The following PTBP3 variants were observed in gnomAD, a reference collection of about 807,000 sequenced individuals.
PTBP3 encodes polypyrimidine tract binding protein 3, also known as polypyrimidine tract-binding protein 3.
Under a neutral mutation model 58.7 loss-of-function variants are expected in PTBP3, and 20 were observed. The observed-to-expected ratio is 0.34, with a 90% CI of 0.24 to 0.50. The LOEUF is 0.50. Ranked by LOEUF, PTBP3 falls within the 20% of genes least tolerant of loss-of-function variation. PTBP3 has a pLI of 0.98. For synonymous variants in PTBP3, 185 were observed against 219.8 expected (o/e 0.84, Z 1.40); for missense variants, 509 against 637.2 (o/e 0.80, Z 2.17).
intron 1 of PTBP3, among the ~76,000 whole-genome samples, chr9:112,312,495 T>TTTG (rs1247509324): frequency 7.5e-5 from 11 of 146,820 alleles, no homozygotes; most frequent in African/African-American, 2.8e-4. Flanking sequence ...TTTGTTTTTT[T>TTTG]TTTTTAAAAA....
At chr9:112,283,964 C>G (rs1827991622) in intron 2 of PTBP3, among the ~76,000 whole-genome samples, 1 of 152,222 alleles carries the variant, frequency 6.6e-6, no homozygotes. Context: ...TGCAGGTGAG[C>G]AGAAGACAAG....
chr9:112,292,342 TGC>T (rs1828471903), intron 2 of PTBP3, among the ~76,000 whole-genome samples: 1 of 152,158 alleles, frequency 6.6e-6, no homozygotes, highest in Admixed American at 6.5e-5. Flanking sequence ...GGAATAATGG[TGC>T]AGCCACTATG....
At chr9:112,253,192 T>C (rs1287743516) in intron 5 of PTBP3, among the ~76,000 whole-genome samples, 1 of 152,198 alleles carries the variant, frequency 6.6e-6, no homozygotes, top group East Asian at 1.9e-4. Context: ...GCTGCTCTAT[T>C]AATTCACCAA....
chr9:112,277,217 C>T (rs186556785), intron 2 of PTBP3, among the ~76,000 whole-genome samples: 267 of 152,276 alleles, frequency 1.8e-3, no homozygotes, highest in African/African-American at 6.0e-3. Context: ...CAAGCAGCAT[C>T]CTCCCCAGAC....
upstream of PTBP3, among the ~76,000 whole-genome samples, chr9:112,334,188 G>C (rs1460698403): frequency 6.6e-6 from 1 of 152,066 alleles, no homozygotes; most frequent in Non-Finnish European, 1.5e-5. Flanking sequence ...CAGCCCCATA[G>C]GTGTGGCTGG....
the PTBP3 span, among the ~76,000 whole-genome samples, chr9:112,347,466 C>G: frequency 1.6e-3 from 244 of 151,886 alleles, 1 homozygote; most frequent in African/African-American, 5.7e-3. Flanking sequence ...CTCAGCCTCC[C>G]CAGTAGCTGG....
At chr9:112,289,495 AG>A (rs1259244831) in intron 2 of PTBP3, among the ~76,000 whole-genome samples, 4 of 152,198 alleles carry the variant, frequency 2.6e-5, no homozygotes, top group Non-Finnish European at 4.4e-5. Flanking sequence ...CAGAAGTACC[AG>A]GGGGCCAGGC....
At chr9:112,230,373 A>T (rs1364150133) in intron 10 of PTBP3, among the ~76,000 whole-genome samples, 1 of 101,686 alleles carries the variant, frequency 9.8e-6, no homozygotes, top group Non-Finnish European at 1.9e-5. Flanking sequence ...ATCTTATTTT[A>T]AAAATCTTAC....
At chr9:112,308,758 CTG>C (rs2062694715) in intron 1 of PTBP3, among the ~76,000 whole-genome samples, 3 of 151,902 alleles carry the variant, frequency 2.0e-5, no homozygotes, top group Admixed American at 6.6e-5. Context: ...GCAAACAACA[CTG>C]TGTGTTTCTA....
At chr9:112,365,554 T>C in the PTBP3 span, among the ~76,000 whole-genome samples, 1 of 152,222 alleles carries the variant, frequency 6.6e-6, no homozygotes, top group African/African-American at 2.4e-5. Flanking sequence ...CCCTTTCTTT[T>C]GTAAATTGTC....
At chr9:112,295,089 A>C (rs1828611043) in intron 2 of PTBP3, among the ~76,000 whole-genome samples, 1 of 152,006 alleles carries the variant, frequency 6.6e-6, no homozygotes, top group Non-Finnish European at 1.5e-5. Context: ...AAAATACAAA[A>C]ATTAGCCCGG....
At chr9:112,250,682 A>C in intron 7 of PTBP3, among the ~76,000 whole-genome samples, 1 of 152,308 alleles carries the variant, frequency 6.6e-6, no homozygotes, top group South Asian at 2.1e-4. Flanking sequence ...GTGGCTTTTA[A>C]AGAATGAGTA....
chr9:112,330,510 A>C, intron 1 of PTBP3: 1 of 1,411,074 alleles, frequency 7.1e-7, no homozygotes, highest in Non-Finnish European at 9.8e-7. Flanking sequence ...AATGGAAAAC[A>C]AAGTTAGAGA....
At chr9:112,312,368 A>G (rs1829515192) in intron 1 of PTBP3, among the ~76,000 whole-genome samples, 1 of 151,988 alleles carries the variant, frequency 6.6e-6, no homozygotes, top group Non-Finnish European at 1.5e-5. Flanking sequence ...GTGGTGGTGC[A>G]TGCCTGTGGT....
chr9:112,315,760 C>T (rs1829679385), intron 1 of PTBP3, among the ~76,000 whole-genome samples: 3 of 152,190 alleles, frequency 2.0e-5, no homozygotes, highest in African/African-American at 7.2e-5. Context: ...AGAAATAATA[C>T]CAATCTTACA....
the PTBP3 span, among the ~76,000 whole-genome samples, chr9:112,343,405 T>C: frequency 1.6e-4 from 25 of 152,138 alleles, no homozygotes; most frequent in Non-Finnish European, 2.9e-4. Flanking sequence ...AAGTGCTTTT[T>C]ACCAGTTTTC....
intron 2 of PTBP3, among the ~76,000 whole-genome samples, chr9:112,289,956 A>G (rs1828307053): frequency 6.6e-6 from 1 of 152,232 alleles, no homozygotes; most frequent in African/African-American, 2.4e-5. Flanking sequence ...TTTCAAAAGA[A>G]AAGACTTCTT....
intron 7 of PTBP3, among the ~76,000 whole-genome samples, chr9:112,237,808 C>T (rs1183353649): frequency 6.6e-6 from 1 of 152,086 alleles, no homozygotes; most frequent in Non-Finnish European, 1.5e-5. Flanking sequence ...ACTATTCCTC[C>T]CATCTTCAAA....
chr9:112,339,566 C>CT, the PTBP3 span, among the ~76,000 whole-genome samples: 297 of 143,490 alleles, frequency 2.1e-3, 1 homozygote, highest in South Asian at 4.6e-3. Context: ...TCTTTTCACT[C>CT]TTTTTTTTTT....
Sources: allele counts gnomAD v4.1 joint callset (sites outside exome capture counted in the v4.1 genomes callset), GRCh38; gene constraint gnomAD v4.1.1; transcripts MANE v1.5; gene names NCBI Gene and HGNC (gene_info 2026-07-23, HGNC 2026-07-21).